TACC2: variants seen among roughly 807,000 people sequenced by gnomAD.
TACC2 encodes transforming acidic coiled-coil-containing protein 2.
TACC2 carries 137 observed loss-of-function variants against 227.3 expected under a neutral mutation model. That is an observed-to-expected ratio of 0.60 (90% CI 0.52 to 0.69). TACC2 has a LOEUF of 0.69. TACC2 is among the 30% of genes least tolerant of loss of function. TACC2 has a pLI of 0.00. For missense variants in TACC2, 3,470 were observed against 3,694.4 expected (o/e 0.94, Z 1.57); for synonymous variants, 1,523 against 1,487.5 (o/e 1.02, Z -0.55).
At position 122,254,142 on chromosome 10, in the gene TACC2, C is replaced by A. The variant is rs771462938; in HGVS notation, c.*86C>A. The A allele has an allele frequency of 5.2e-6, 6 of 1,150,318 alleles. No individual in the cohort carries two copies. The highest frequency in any genetic ancestry group is 7.9e-6 in the Non-Finnish European group (6 of 756,968). The allele number at this position is 1,150,318 out of a possible 1,614,324, so 71.3% of individuals were successfully genotyped here. A position where few individuals can be genotyped will look rare whatever the true frequency, so the allele number is the denominator to read the frequency against. On this transcript the variant is annotated 3_prime_UTR_variant, in exon 23 of 23. Coordinates refer to ENST00000369005, the MANE Select transcript of TACC2 (RefSeq NM_206862.4). ...GTTCCTCCAGTTCCATGGACAGGTT[C>A]TGTTTTCACTTTTTCGTATGCACTA...
rs114364707 is a variant in TACC2, at chr10:122,035,539, A to G, written c.33+13525A>G. On this transcript the variant is annotated intron_variant, in intron 2 of 22. Transcript: ENST00000369005. ...CTTATGAGGCGCTAACAGGCAAAAGACACATCATAAAATTTCCAATGGTAA... is the reference window on the plus strand; with the variant it reads ...CTTATGAGGCGCTAACAGGCAAAAGGCACATCATAAAATTTCCAATGGTAA... Among the ~76,000 whole-genome samples, 1,149 of 152,328 alleles carry G rather than the reference A, an allele frequency of 7.5e-3. 16 individuals are homozygous for G. Among genetic ancestry groups the G allele is most frequent in the African/African-American group, 0.026 (1,086 of 41,572 alleles).
At chr10:122,204,871 G>T (rs944107463) in intron 8 of TACC2, among the ~76,000 whole-genome samples, 2 of 151,944 alleles carry the variant, frequency 1.3e-5, no homozygotes, top group Non-Finnish European at 2.9e-5. Context: ...GGTGGAGCCA[G>T]GATCAGCCCA....
rs544138446 is a variant in TACC2 at position 122,227,821 on chromosome 10, C to T, written c.7725-16C>T. 5.7e-5 allele frequency: 92 copies of T among 1,600,720 alleles called. No individual in the cohort carries two copies. In the South Asian group the frequency reaches 9.7e-4, roughly 17 times the overall value. Reference sequence around the variant, plus strand: ...CAATGAGAAGACTAAAGAAAGATGCCCTTTGCTTCCCCCAGGTCAAGTTTT... The same window carrying T: ...CAATGAGAAGACTAAAGAAAGATGCTCTTTGCTTCCCCCAGGTCAAGTTTT... On this transcript the variant is annotated splice_polypyrimidine_tract_variant and intron_variant, in intron 13 of 22. Coordinates refer to ENST00000369005, the MANE Select transcript of TACC2 (RefSeq NM_206862.4).
intron 3 of TACC2, among the ~76,000 whole-genome samples, chr10:122,063,330 C>T (rs1218948461): frequency 2.6e-5 from 4 of 152,176 alleles, no homozygotes; most frequent in African/African-American, 9.7e-5. Flanking sequence ...CAGGGTGTGT[C>T]GGGCAGAGCG....
At chr10:122,215,046 C>T (rs559865506) in intron 9 of TACC2, among the ~76,000 whole-genome samples, 1 of 152,224 alleles carries the variant, frequency 6.6e-6, no homozygotes, top group South Asian at 2.1e-4. Flanking sequence ...GGTTCAGATA[C>T]CCCTGGAAGA....
At chr10:122,095,721 C>T (rs753665011) in intron 5 of TACC2, among the ~76,000 whole-genome samples, 5 of 152,198 alleles carry the variant, frequency 3.3e-5, no homozygotes, top group African/African-American at 7.2e-5. Flanking sequence ...CCTGGGGAGG[C>T]GCCCTGTTCC....
At chr10:122,166,008 T>C (rs2093141111) in intron 7 of TACC2, among the ~76,000 whole-genome samples, 1 of 152,224 alleles carries the variant, frequency 6.6e-6, no homozygotes, top group Non-Finnish European at 1.5e-5. Context: ...AGTATTTCCA[T>C]GCAGCTAAAA....
chr10:122,137,483 G>T lies in TACC2; in HGVS notation c.5699+4749G>T, dbSNP rs151188144. Among the ~76,000 whole-genome samples, 620 of 152,138 alleles carry T rather than the reference G, an allele frequency of 4.1e-3. 8 individuals are homozygous for T. The highest frequency in any genetic ancestry group is 0.014 in the African/African-American group (578 of 41,486). On this transcript the variant is annotated intron_variant, in intron 6 of 22. Transcript: ENST00000369005. ...ACACTGAGGCCCATCTAAAAAAAAAGCAGAATGGTTTTTTCAATGAAACCT... is the reference window on the plus strand; with the variant it reads ...ACACTGAGGCCCATCTAAAAAAAAATCAGAATGGTTTTTTCAATGAAACCT...
chr10:122,169,119 T>C (rs1451318970), intron 7 of TACC2, among the ~76,000 whole-genome samples: 5 of 152,222 alleles, frequency 3.3e-5, no homozygotes, highest in African/African-American at 1.2e-4. Context: ...GTAGCTCAGA[T>C]GACATTTCTG....
At position 122,107,880 on chromosome 10, in the gene TACC2, ATT is replaced by A. The variant is rs1412735022; in HGVS notation, c.5573+19298_5573+19299del. Among the ~76,000 whole-genome samples, 605 of 102,270 alleles carry A rather than the reference ATT, an allele frequency of 5.9e-3. 3 individuals are homozygous for A. The highest frequency in any genetic ancestry group is 0.023 in the African/African-American group (580 of 25,500). 67.1% of individuals were successfully genotyped at this position (102,270 alleles called of 152,430 possible). On this transcript the variant is annotated intron_variant, in intron 5 of 22. Transcript: ENST00000369005. ...AAGTCCATTATATATATATATATAT[ATT>A]TTTTTTTTCTTTTTTCTTTTTTTTT...
intron 7 of TACC2, among the ~76,000 whole-genome samples, chr10:122,168,362 C>T (rs574107251): frequency 6.6e-6 from 1 of 152,240 alleles, no homozygotes; most frequent in East Asian, 1.9e-4. Context: ...AGTTTTTTCT[C>T]CCCTAAAATA....
At chr10:122,175,484 C>T (rs1187283651) in intron 7 of TACC2, among the ~76,000 whole-genome samples, 1 of 152,190 alleles carries the variant, frequency 6.6e-6, no homozygotes, top group Non-Finnish European at 1.5e-5. Flanking sequence ...GTCCAGAATG[C>T]AGTTTCTGTT....
intron 6 of TACC2, among the ~76,000 whole-genome samples, chr10:122,134,392 G>T (rs1013390827): frequency 1.3e-5 from 2 of 151,964 alleles, no homozygotes; most frequent in African/African-American, 4.8e-5. Context: ...TGGCCAGGCT[G>T]TTCTCAAACT....
intron 7 of TACC2, among the ~76,000 whole-genome samples, chr10:122,148,244 T>C (rs1401822675): frequency 6.6e-6 from 1 of 151,944 alleles, no homozygotes; most frequent in East Asian, 1.9e-4. Context: ...GCTGGGATTA[T>C]AGGCACCCGC....
intron 1 of TACC2, among the ~76,000 whole-genome samples, chr10:122,005,020 T>A (rs1011335499): frequency 6.6e-6 from 1 of 152,114 alleles, no homozygotes; most frequent in African/African-American, 2.4e-5. Context: ...ATGAAATACA[T>A]CATCTAGTAG....
Position 122,209,377 on chromosome 10 carries a change from T to C in TACC2, c.5972-1020T>C, listed in dbSNP as rs991079723. Among the ~76,000 whole-genome samples the C allele has an allele frequency of 1.3e-5, 2 of 152,212 alleles. No individual in the cohort carries two copies. Among genetic ancestry groups the C allele is most frequent in the Non-Finnish European group, 2.9e-5 (2 of 68,028 alleles). ...GTATGAATATTTATGGAAGCCTCCGTATGCCTTCCTGCAGGATTTCTCTGT... is the reference window on the plus strand; with the variant it reads ...GTATGAATATTTATGGAAGCCTCCGCATGCCTTCCTGCAGGATTTCTCTGT... On this transcript the variant is annotated intron_variant, in intron 8 of 22. Transcript: ENST00000369005. This position sits in a 1 kb window ranked among gnomAD's most constrained non-coding sequence, Gnocchi z 4.5.
chr10:122,088,442 C>T, intron 4 of TACC2, 36 bp from the exon 5 acceptor site: 4 of 1,569,198 alleles, frequency 2.5e-6, no homozygotes, highest in East Asian at 2.3e-5. Context: ...TTACTATCTA[C>T]ATTATCCTAT....
At chr10:122,061,320 A>G (rs1018285760) in intron 3 of TACC2, among the ~76,000 whole-genome samples, 23 of 151,190 alleles carry the variant, frequency 1.5e-4, no homozygotes, top group Admixed American at 4.6e-4. Context: ...GGGAGAAAAG[A>G]ATCGAGGAAG....
intron 7 of TACC2, among the ~76,000 whole-genome samples, chr10:122,149,348 T>C (rs912911356): frequency 2.0e-5 from 3 of 152,342 alleles, no homozygotes; most frequent in Non-Finnish European, 4.4e-5. Context: ...GAGAAGCAGC[T>C]GAGCTTCTTG....
Sources: gnomAD v4.1 joint callset for allele counts (sites outside exome capture counted in the v4.1 genomes callset) on GRCh38, gnomAD v4.1.1 for gene constraint, Gnocchi (gnomAD v3.1) non-coding constraint, MANE v1.5 for transcripts, NCBI Gene and HGNC (gene_info 2026-07-23, HGNC 2026-07-21) for gene names.